Variants in LARS1 observed in about 807,000 individuals in gnomAD.
LARS1 encodes the protein leucyl-tRNA synthetase 1, also known as leucine--tRNA ligase, cytoplasmic.
A neutral mutation model predicts 162.8 loss-of-function variants in LARS1; 100 were observed. The ratio of observed to expected loss-of-function variants is 0.61; its 90% CI spans 0.52 to 0.73. LARS1 has a LOEUF of 0.73. Among genes scored for constraint, LARS1 ranks in the 30% least tolerant of loss-of-function variants. The pLI is 0.00. For missense variants in LARS1, 1,258 were observed against 1,408.9 expected (o/e 0.89, Z 1.71); for synonymous variants, 457 against 462.8 (o/e 0.99, Z 0.16).
Position 146,153,313 on chromosome 5 carries a change from A to G in LARS1, c.1231-86T>C, listed in dbSNP as rs17500504. The G allele has an allele frequency of 0.27, 268,975 of 1,001,358 alleles. 39,268 individuals carry two copies. The highest frequency in any genetic ancestry group is 0.41 in the Admixed American group (21,000 of 50,836). The allele number at this position is 1,001,358 out of a possible 1,614,324, so 62.0% of individuals were successfully genotyped here. Reference sequence around the variant, plus strand: ...AGAAGCAATCTCCAAAGTTTCTTAAAAGTTTCTTTAAAGTTTCTATTTGTT... The same window carrying G: ...AGAAGCAATCTCCAAAGTTTCTTAAGAGTTTCTTTAAAGTTTCTATTTGTT... On this transcript the variant is annotated intron_variant, in intron 12 of 31. Coordinates refer to ENST00000394434, the MANE Select transcript of LARS1 (RefSeq NM_020117.11).
intron 21 of LARS1, among the ~76,000 whole-genome samples, chr5:146,136,591 C>T (rs1469060863): frequency 6.6e-6 from 1 of 151,588 alleles, no homozygotes; most frequent in Admixed American, 6.6e-5. Context: ...AAGGGATTCT[C>T]TTACCTCAAC....
chr5:146,140,224 GA>G lies in LARS1; in HGVS notation c.2127del (p.Leu710SerfsTer3). On this transcript the variant is annotated frameshift_variant, in exon 21 of 32. Coordinates refer to ENST00000394434, the MANE Select transcript of LARS1 (RefSeq NM_020117.11). LOFTEE classifies it high-confidence loss of function. Reference protein sequence around the residue: ...KWPTAVRANGHLLLNSEKMSK... With the variant: ...KWPTAVRANGXLLLNSEKMSK... ...CTTACCTTCTCAGAGTTCAGGAGGA[GA>G]TGTCCATTTGCTCTCACAGCTGTAG... 2 of 1,611,866 alleles carry G rather than the reference GA, an allele frequency of 1.2e-6. No individual in the cohort carries two copies. Among genetic ancestry groups the G allele is most frequent in the Non-Finnish European group, 1.7e-6 (2 of 1,177,892 alleles).
intron 5 of LARS1, among the ~76,000 whole-genome samples, chr5:146,167,088 T>C (rs1436441188): frequency 6.6e-6 from 1 of 152,140 alleles, no homozygotes; most frequent in African/African-American, 2.4e-5. Context: ...CCCGTATTCG[T>C]TAAAAGTATA....
At chr5:146,114,823 A>T (rs1764126784) in intron 31 of LARS1, among the ~76,000 whole-genome samples, 1 of 151,970 alleles carries the variant, frequency 6.6e-6, no homozygotes, top group African/African-American at 2.4e-5. Flanking sequence ...AGGTGGGCAG[A>T]TCGCGAGGTC....
At chr5:146,167,175 G>A (rs1480074607) in intron 5 of LARS1, among the ~76,000 whole-genome samples, 5 of 152,158 alleles carry the variant, frequency 3.3e-5, no homozygotes, top group African/African-American at 1.2e-4. Context: ...ACTGCAATGT[G>A]GGATCCTGGA....
intron 21 of LARS1, 119 bp downstream of exon 21, chr5:146,140,085 G>T: frequency 1.3e-6 from 1 of 762,378 alleles, no homozygotes; most frequent in Non-Finnish European, 2.2e-6. Flanking sequence ...GGAATTACAG[G>T]CATGAGGCAC....
intron 21 of LARS1, among the ~76,000 whole-genome samples, chr5:146,135,970 T>G (rs1338939649): frequency 6.6e-6 from 1 of 152,154 alleles, no homozygotes; most frequent in Non-Finnish European, 1.5e-5. Flanking sequence ...CCACTATAAC[T>G]CTAGAACACC....
At chr5:146,168,090 A>T (rs1462971280) in intron 5 of LARS1, 38 bp downstream of exon 5, 2 of 1,541,844 alleles carry the variant, frequency 1.3e-6, no homozygotes, top group Admixed American at 3.6e-5. Context: ...AGAAAAATAT[A>T]AAACTTCAAC....
intron 5 of LARS1, among the ~76,000 whole-genome samples, chr5:146,167,528 C>T (rs747590361): frequency 5.3e-5 from 8 of 152,016 alleles, no homozygotes; most frequent in Non-Finnish European, 8.8e-5. Flanking sequence ...CTCAGCCTCC[C>T]GAGTAGCTGG....
chr5:146,143,324 A>C (rs1752874751), intron 19 of LARS1, 88 bp downstream of exon 19: 5 of 1,482,616 alleles, frequency 3.4e-6, no homozygotes, highest in Non-Finnish European at 4.5e-6. Flanking sequence ...TCTGTGAAAT[A>C]AATCTTATTA....
chr5:146,153,290 A>G, intron 12 of LARS1, 63 bp from the exon 13 acceptor site: 1 of 1,155,350 alleles, frequency 8.7e-7, no homozygotes, highest in African/African-American at 1.5e-5. Flanking sequence ...TCATTGAGAG[A>G]AGCAATCTCC....
rs752004800 is a variant in LARS1, at chr5:146,159,396, C to T, written c.771+11G>A. The T allele has an allele frequency of 8.1e-6, 13 of 1,601,672 alleles. No homozygotes were observed. Among genetic ancestry groups the T allele is most frequent in the Non-Finnish European group, 1.1e-5 (13 of 1,169,204 alleles). ...TTATTATAATAGCTACTCTGTCTCA[C>T]AAATAATCACCTCTCCAGTTTGTCT... On this transcript the variant is annotated intron_variant, in intron 8 of 31. Coordinates refer to ENST00000394434, the MANE Select transcript of LARS1 (RefSeq NM_020117.11).
At chr5:146,173,668 A>G (rs1362654227) in intron 2 of LARS1, among the ~76,000 whole-genome samples, 1 of 151,990 alleles carries the variant, frequency 6.6e-6, no homozygotes. Flanking sequence ...AAGAATATCT[A>G]ACATACATAC....
chr5:146,144,438 C>G, intron 17 of LARS1, 34 bp downstream of exon 17: 2 of 1,603,538 alleles, frequency 1.2e-6, no homozygotes. Flanking sequence ...TTTTCATCTC[C>G]TTTTTCCTCC....
At chr5:146,122,289 G>T (rs1172664712) in intron 30 of LARS1, among the ~76,000 whole-genome samples, 1 of 148,736 alleles carries the variant, frequency 6.7e-6, no homozygotes, top group East Asian at 1.9e-4. Flanking sequence ...TGAGGAAAAG[G>T]TAAGTATTGC....
intron 2 of LARS1, among the ~76,000 whole-genome samples, chr5:146,173,555 AATT>A (rs1754371808): frequency 7.3e-6 from 1 of 137,512 alleles, no homozygotes; most frequent in Admixed American, 7.3e-5. Flanking sequence ...TTTTTTTTTT[AATT>A]TTTTAGTTGT....
intron 21 of LARS1, among the ~76,000 whole-genome samples, chr5:146,137,362 T>A (rs1160190457): frequency 1.3e-5 from 2 of 152,032 alleles, no homozygotes; most frequent in African/African-American, 4.8e-5. Context: ...TTAAGTCAAG[T>A]AGGGGTGCCC....
At chr5:146,181,927 T>C (rs1345221316) in intron 1 of LARS1, among the ~76,000 whole-genome samples, 4 of 141,768 alleles carry the variant, frequency 2.8e-5, no homozygotes, top group Non-Finnish European at 6.1e-5. Flanking sequence ...ACCTCGGCTT[T>C]ATTTGTTTGT....
chr5:146,148,181 A>G lies in LARS1; in HGVS notation c.1503+1441T>C, dbSNP rs934093108. Among the ~76,000 whole-genome samples the G allele has an allele frequency of 6.6e-5, 10 of 152,360 alleles. No homozygotes were observed. The South Asian group carries it at 1.9e-3, about 28-fold the overall frequency. On this transcript the variant is annotated intron_variant, in intron 15 of 31. Transcript: ENST00000394434. ...TCAGAGGCAGAATTTCACCAAAATG[A>G]GAAAGAATATAAGGACATAGACATG...
Sources: allele counts gnomAD v4.1 joint callset (sites outside exome capture counted in the v4.1 genomes callset), GRCh38; gene constraint gnomAD v4.1.1; transcripts MANE v1.5; gene names NCBI Gene and HGNC (gene_info 2026-07-23, HGNC 2026-07-21).